RBM45: variants seen among roughly 807,000 people sequenced by gnomAD.
RBM45 encodes the protein RNA-binding protein 45.
In RBM45, 39 loss-of-function variants were observed where a neutral mutation model predicts 58.5. The ratio of observed to expected loss-of-function variants is 0.67; its 90% confidence interval spans 0.52 to 0.87. RBM45 has a LOEUF of 0.87. Among genes scored for constraint, RBM45 ranks in the 40% least tolerant of loss-of-function variants. The pLI is 0.00. For missense variants in RBM45, 481 were observed against 581.6 expected (o/e 0.83, Z 1.78); for synonymous variants, 193 against 203.0 (o/e 0.95, Z 0.42).
At chr2:178,116,219 T>C in intron 1 of RBM45, 43 bp from the exon 2 acceptor site, 1 of 1,522,676 alleles carries the variant, frequency 6.6e-7, no homozygotes, top group Non-Finnish European at 8.8e-7. Context: ...AATGGGAAAA[T>C]AGTTGACATT....
chr2:178,130,515 G>A (rs983422265), downstream of RBM45, among the ~76,000 whole-genome samples: 2 of 151,972 alleles, frequency 1.3e-5, no homozygotes, highest in Non-Finnish European at 2.9e-5. Flanking sequence ...GCAAGACCCT[G>A]TCTCAAAAAT....
chr2:178,112,561 C>T lies in RBM45; in HGVS notation c.15C>T (p.Gly5=). The change falls in exon 1 of 10, where the codon GGC becomes GGT. Residue 5 remains glycine (G), a synonymous_variant. Coordinates refer to ENST00000286070, the MANE Select transcript of RBM45 (RefSeq NM_152945.4). The stretch of plus-strand genomic sequence containing the variant: ...GGTGGAGCACCATGGACGAAGCTGG[C>T]AGCTCTGCGAGCGGCGGGGGCTTCC... The part of the protein sequence containing the change: MDEA[G]SSASGGGFRP... 6.2e-7 allele frequency: 1 copy of T among 1,613,358 alleles called. No homozygotes were observed. Among genetic ancestry groups the T allele is most frequent in the South Asian group, 1.1e-5 (1 of 91,018 alleles).
intron 9 of RBM45, 33 bp downstream of exon 9, chr2:178,126,217 A>G (rs775471024): frequency 9.0e-7 from 1 of 1,117,182 alleles, no homozygotes; most frequent in Non-Finnish European, 1.3e-6. Flanking sequence ...TTTAAAACAT[A>G]TTGAGTAAAT....
intron 9 of RBM45, among the ~76,000 whole-genome samples, chr2:178,128,269 G>A (rs1489293557): frequency 6.6e-6 from 1 of 151,782 alleles, no homozygotes; most frequent in Non-Finnish European, 1.5e-5. Flanking sequence ...CAAAGTGCTG[G>A]GATTACAGGC....
downstream of RBM45, among the ~76,000 whole-genome samples, chr2:178,133,372 G>A (rs545470152): frequency 6.6e-6 from 1 of 152,202 alleles, no homozygotes; most frequent in Admixed American, 6.5e-5. Flanking sequence ...ACCAAAGATT[G>A]GGGTTCTGAA....
rs1399036911 is a variant in RBM45, at chr2:178,126,061, GTGCTAATGA to G, written c.1314_1322del (p.Asn439_Ala441del). The G allele has an allele frequency of 6.2e-7, 1 of 1,613,796 alleles. No individual in the cohort carries two copies. The highest frequency in any genetic ancestry group is 8.5e-7 in the Non-Finnish European group (1 of 1,179,832). On this transcript the variant is annotated inframe_deletion, in exon 9 of 10. Coordinates refer to ENST00000286070, the MANE Select transcript of RBM45 (RefSeq NM_152945.4). ...TATGCCAAGTATGCCGATAGAATAA[GTGCTAATGA>G]TGCCATTGCCACTCTACATGGAAAG...
chr2:178,120,541 T>C, intron 4 of RBM45, 132 bp downstream of exon 4: 1 of 761,452 alleles, frequency 1.3e-6, no homozygotes. Context: ...GTAGTTTTTT[T>C]ATTCCTAAAA....
At position 178,118,068 on chromosome 2, in the gene RBM45, T is replaced by C. The variant is rs1462050816; in HGVS notation, c.437T>C (p.Ile146Thr). 4 of 1,610,434 alleles carry C rather than the reference T, an allele frequency of 2.5e-6. No homozygotes were observed. The highest frequency in any genetic ancestry group is 1.3e-5 in the African/African-American group (1 of 74,908). Reference sequence around the variant, plus strand: ...TAACTCTCTTAGGTGTATGGAGATATCGAGTATTGCAGCATTATTAAGAAT... The same window carrying C: ...TAACTCTCTTAGGTGTATGGAGATACCGAGTATTGCAGCATTATTAAGAAT... ...LREKFKVYGDIEYCSIIKNKV... is the reference protein window; with the variant it reads ...LREKFKVYGDTEYCSIIKNKV... The change falls in exon 3 of 10, where the codon ATC (isoleucine) becomes ACC (threonine). Residue 146 changes from isoleucine to threonine, a missense_variant. By Grantham distance (89) the Ile-to-Thr change is moderately conservative. Transcript: ENST00000286070.
intron 5 of RBM45, 21 bp from the exon 6 acceptor site, chr2:178,123,501 T>A: frequency 1.2e-5 from 18 of 1,540,940 alleles, no homozygotes; most frequent in Non-Finnish European, 1.6e-5. Context: ...CTTTTTCATT[T>A]CTGTATGTTC....
At position 178,112,587 on chromosome 2, in the gene RBM45, G is replaced by C; in HGVS notation, c.41G>C (p.Arg14Pro). The C allele has an allele frequency of 6.2e-7, 1 of 1,604,802 alleles. No homozygotes were observed. Among genetic ancestry groups the C allele is most frequent in the Non-Finnish European group, 8.5e-7 (1 of 1,176,464 alleles). ...AGSSASGGGF[R>P]PGVDSLDEPP... The stretch of plus-strand genomic sequence containing the variant: ...AGCTCTGCGAGCGGCGGGGGCTTCC[G>C]CCCGGGCGTGGACAGCCTGGACGAA... Residue 14 changes from arginine (R) to proline (P), a missense_variant, in exon 1 of 10, where the codon CGC becomes CCC. Transcript: ENST00000286070.
At chr2:178,131,163 A>C (rs540228974), downstream of RBM45, among the ~76,000 whole-genome samples, 1 of 152,368 alleles carries the variant, frequency 6.6e-6, no homozygotes, top group South Asian at 2.1e-4. Flanking sequence ...ATTAATTACC[A>C]AAAAATAGGT....
At chr2:178,133,754 A>G (rs1045989661), downstream of RBM45, 1 of 152,228 alleles carries the variant, frequency 6.6e-6, no homozygotes, top group Non-Finnish European at 1.5e-5. Flanking sequence ...TTATTTTTAC[A>G]TATGATTTCA....
At position 178,121,394 on chromosome 2, in the gene RBM45, A is replaced by G. The variant is rs181012717; in HGVS notation, c.853+35A>G. The G allele has an allele frequency of 1.2e-3, 1,092 of 895,254 alleles. 25 individuals carry two copies. The East Asian group carries it at 0.03, about 25-fold the overall frequency. The allele number at this position is 895,254 out of a possible 1,614,324, so 55.5% of individuals were successfully genotyped here. A position where few individuals can be genotyped will look rare whatever the true frequency, so the allele number is the denominator to read the frequency against. On this transcript the variant is annotated intron_variant, in intron 5 of 9. Transcript: ENST00000286070. The stretch of plus-strand genomic sequence containing the variant: ...TGTTCACATTAAAAAATATATATAT[A>G]TGTATATATACACACACACACACAC...
At chr2:178,115,517 A>G (rs138483256) in intron 1 of RBM45, among the ~76,000 whole-genome samples, 1 of 152,272 alleles carries the variant, frequency 6.6e-6, no homozygotes, top group Non-Finnish European at 1.5e-5. Context: ...TGCTTGACAT[A>G]TAGTATAGAT....
chr2:178,118,064 G>T lies in RBM45; in HGVS notation c.433G>T (p.Asp145Tyr). The change falls in exon 3 of 10, where the codon GAT (aspartate) becomes TAT (tyrosine). Residue 145 changes from aspartate to tyrosine, a missense_variant. Coordinates refer to ENST00000286070, the MANE Select transcript of RBM45 (RefSeq NM_152945.4). ...CTTTTAACTCTCTTAGGTGTATGGA[G>T]ATATCGAGTATTGCAGCATTATTAA... ...DLREKFKVYG[D>Y]IEYCSIIKNK... is the part of the protein sequence containing the mutation. The T allele has an allele frequency of 6.2e-7, 1 of 1,609,714 alleles. No homozygotes were observed. Among genetic ancestry groups the T allele is most frequent in the South Asian group, 1.1e-5 (1 of 90,460 alleles).
chr2:178,123,753 A>G lies in RBM45; in HGVS notation c.984-75A>G. ...AAACAATTGACCTCTCAGGTGAGAA[A>G]GTCACACAAAACAAGCTACTGTTAA... is the stretch of plus-strand genomic sequence containing the variant. On this transcript the variant is annotated intron_variant, in intron 6 of 9. Coordinates refer to ENST00000286070, the MANE Select transcript of RBM45 (RefSeq NM_152945.4). The G allele has an allele frequency of 4.4e-6, 7 of 1,595,562 alleles. No homozygotes were observed. The Admixed American group carries it at 1.0e-4, about 24-fold the overall frequency.
Position 178,121,118 on chromosome 2 carries a change from T to C in RBM45, c.674-62T>C, listed in dbSNP as rs1021991296. 2.9e-5 allele frequency: 23 copies of C among 804,558 alleles called. No individual in the cohort carries two copies. In the Admixed American group the frequency reaches 6.2e-4, roughly 22 times the overall value. 49.8% of individuals were successfully genotyped at this position (804,558 alleles called of 1,614,324 possible). ...GGACTCTGTTTTCTAGTATTTAAAA[T>C]GTTAAGCGAATTGTTGGCTGTGTAG... is the stretch of plus-strand genomic sequence containing the variant. On this transcript the variant is annotated intron_variant, in intron 4 of 9. Coordinates refer to ENST00000286070, the MANE Select transcript of RBM45 (RefSeq NM_152945.4).
At chr2:178,136,770 G>C (rs745972206) in exon 4 of RBM45, 5 of 152,146 alleles carry the variant, frequency 3.3e-5, no homozygotes, top group Non-Finnish European at 5.9e-5. Context: ...TGGACCTCCT[G>C]GGATTTCCTG....
chr2:178,125,823 T>G, intron 8 of RBM45, 161 bp from the exon 9 acceptor site: 3 of 715,928 alleles, frequency 4.2e-6, no homozygotes, highest in East Asian at 2.7e-5. Flanking sequence ...GAGATCTGAA[T>G]GAGAATGAAT....
Sources: gnomAD v4.1 joint callset for allele counts (sites outside exome capture counted in the v4.1 genomes callset) on GRCh38, gnomAD v4.1.1 for gene constraint, MANE v1.5 for transcripts, NCBI Gene and HGNC (gene_info 2026-07-23, HGNC 2026-07-21) for gene names.